MCF2L: variants seen among roughly 807,000 people sequenced by gnomAD.
MCF2L encodes MCF.2 cell line derived transforming sequence like, also known as guanine nucleotide exchange factor DBS.
A neutral mutation model predicts 153.4 loss-of-function variants in MCF2L; 97 were observed. The ratio of observed to expected loss-of-function variants is 0.63; its 90% confidence interval spans 0.54 to 0.75. The LOEUF (loss-of-function observed/expected upper bound fraction) is 0.75, where lower values mean the gene tolerates loss of function less well. Ranked by LOEUF, MCF2L falls within the 30% of genes least tolerant of loss-of-function variation. The probability of loss-of-function intolerance (pLI) is 0.00; values close to 1 mark genes in which losing one functional copy is unlikely to be tolerated. For missense variants in MCF2L, 1,347 were observed against 1,495.2 expected (o/e 0.90, Z 1.64); for synonymous variants, 659 against 632.2 (o/e 1.04, Z -0.64).
chr13:112,989,476 G>A (rs1335075879), intron 1 of MCF2L, among the ~76,000 whole-genome samples: 1 of 18,544 alleles, frequency 5.4e-5, no homozygotes, highest in African/African-American at 1.1e-4. Flanking sequence ...GAGCCACCAC[G>A]CCCGAGTCCT....
At chr13:113,080,164 T>G (rs2033973401) in intron 15 of MCF2L, among the ~76,000 whole-genome samples, 1 of 103,560 alleles carries the variant, frequency 9.7e-6, no homozygotes. Flanking sequence ...CAGAGGAGAG[T>G]CCATACGGAA....
chr13:113,014,020 GCCCCATGCTCCTAGCTGGTGCTGA>G (rs2084346019), intron 1 of MCF2L, among the ~76,000 whole-genome samples: 1 of 151,732 alleles, frequency 6.6e-6, no homozygotes, highest in African/African-American at 2.4e-5. Flanking sequence ...GCTGGTGCTG[GCCCCATGCTCCTAGCTGGTGCTGA>G]CCCCATGCTC....
chr13:112,928,572 CA>C (rs561189579), intron 2 of MCF2L, among the ~76,000 whole-genome samples: 1 of 152,246 alleles, frequency 6.6e-6, no homozygotes, highest in East Asian at 1.9e-4. Flanking sequence ...CCTTCACCCC[CA>C]AAAAAGTCAT....
chr13:112,902,186 CTTT>C, intron 1 of MCF2L: 1 of 1,609,736 alleles, frequency 6.2e-7, no homozygotes, highest in Non-Finnish European at 8.5e-7. Flanking sequence ...CTTTTAAAAT[CTTT>C]TTTCTGCAGC....
At chr13:112,982,638 G>A (rs1023441878) in intron 1 of MCF2L, among the ~76,000 whole-genome samples, 3 of 152,170 alleles carry the variant, frequency 2.0e-5, no homozygotes, top group Admixed American at 6.5e-5. Context: ...GCCTGCTCTC[G>A]CGTGCTGTGG....
rs540930074 is a variant in MCF2L at position 113,028,008 on chromosome 13, G to A, written c.278+3250G>A. On this transcript the variant is annotated intron_variant, in intron 3 of 29. Transcript: ENST00000535094. The surrounding 1 kb of genome is among the most constrained non-coding windows in gnomAD (Gnocchi z 5.4). ...CTGACAGGTACATCCGCCCCCTGAT[G>A]GCACCTCCTGGCATGGGGCTAAATG... Among the ~76,000 whole-genome samples the A allele has an allele frequency of 6.6e-6, 1 of 152,298 alleles. No homozygotes were observed. The highest frequency in any genetic ancestry group is 2.4e-5 in the African/African-American group (1 of 41,560).
chr13:112,914,271 T>C (rs944547020), intron 2 of MCF2L, among the ~76,000 whole-genome samples: 1 of 152,234 alleles, frequency 6.6e-6, no homozygotes, highest in African/African-American at 2.4e-5. Context: ...CCTCCTTTTT[T>C]GTACAAAAGG....
At chr13:112,977,167 T>C (rs935335754) in intron 1 of MCF2L, among the ~76,000 whole-genome samples, 16 of 152,156 alleles carry the variant, frequency 1.1e-4, no homozygotes, top group Admixed American at 4.6e-4. Context: ...GTAAGACTCT[T>C]TTACTGCCAA....
intron 9 of MCF2L, among the ~76,000 whole-genome samples, chr13:113,072,113 T>A (rs2032977431): frequency 6.6e-6 from 1 of 152,228 alleles, no homozygotes; most frequent in African/African-American, 2.4e-5. Flanking sequence ...ATCACAGTAT[T>A]ATATTTTTAA....
intron 1 of MCF2L, among the ~76,000 whole-genome samples, chr13:113,013,173 A>T (rs2084285933): frequency 1.3e-5 from 2 of 151,936 alleles, no homozygotes; most frequent in Admixed American, 1.3e-4. Flanking sequence ...CATTCCAGAG[A>T]GGTGTGCACC....
At chr13:113,051,538 C>G (rs2087327674) in intron 4 of MCF2L, among the ~76,000 whole-genome samples, 1 of 152,210 alleles carries the variant, frequency 6.6e-6, no homozygotes, top group African/African-American at 2.4e-5. Context: ...GGCCCCAAGC[C>G]CTTCTTCACT....
chr13:113,074,592 G>A lies in MCF2L; in HGVS notation c.1116+29G>A. 2 of 1,610,164 alleles carry A rather than the reference G, an allele frequency of 1.2e-6. No individual in the cohort carries two copies. The highest frequency in any genetic ancestry group is 1.3e-5 in the African/African-American group (1 of 74,998). Reference sequence around the variant, plus strand: ...AGGCGGGGTCCCGGCGGGGGCGGCGGGAGAGTGTGGGCAGCATCATCAAGT... The same window carrying A: ...AGGCGGGGTCCCGGCGGGGGCGGCGAGAGAGTGTGGGCAGCATCATCAAGT... On this transcript the variant is annotated intron_variant, in intron 10 of 29. Transcript: ENST00000535094. This position sits in a 1 kb window ranked among gnomAD's most constrained non-coding sequence, Gnocchi z 4.2.
intron 1 of MCF2L, chr13:112,902,174 T>G (rs756257032): frequency 7.5e-6 from 12 of 1,604,192 alleles, no homozygotes; most frequent in Non-Finnish European, 8.5e-6. Context: ...GACCTCATCG[T>G]GCTTTTAAAA....
At chr13:113,071,762 T>C (rs2032943274) in intron 9 of MCF2L, among the ~76,000 whole-genome samples, 1 of 152,272 alleles carries the variant, frequency 6.6e-6, no homozygotes, top group African/African-American at 2.4e-5. Context: ...AAGGTCTTAA[T>C]TGCTGCAACT....
intron 26 of MCF2L, chr13:113,090,173 C>T: frequency 6.6e-7 from 1 of 1,524,930 alleles, no homozygotes; most frequent in Non-Finnish European, 8.8e-7. Flanking sequence ...AAAAGTAGTG[C>T]CTGCCCCAAA....
At chr13:113,021,581 C>T (rs2084887423) in intron 2 of MCF2L, among the ~76,000 whole-genome samples, 1 of 152,194 alleles carries the variant, frequency 6.6e-6, no homozygotes, top group Non-Finnish European at 1.5e-5. Context: ...TCCTCTGCGG[C>T]GTTCAGTCCG....
chr13:113,021,824 GAAGA>G (rs141432418), intron 2 of MCF2L, among the ~76,000 whole-genome samples: 27,567 of 152,136 alleles, frequency 0.18, 2,644 homozygotes, highest in East Asian at 0.29. Flanking sequence ...CCTGACTTGG[GAAGA>G]AAGAACAGGG....
intron 27 of MCF2L, 57 bp from the exon 28 acceptor site, chr13:113,096,314 G>A (rs1304250712): frequency 4.4e-6 from 6 of 1,351,540 alleles, no homozygotes; most frequent in East Asian, 2.5e-5. Flanking sequence ...GGCTGCTGTG[G>A]GGCTGCTGCC....
At chr13:113,082,341 C>A in intron 16 of MCF2L, 86 bp from the exon 17 acceptor site, 1 of 780,142 alleles carries the variant, frequency 1.3e-6, no homozygotes, top group Non-Finnish European at 2.3e-6. Flanking sequence ...TGGCCTGGCC[C>A]ACAGATGAGC....
Sources: allele counts gnomAD v4.1 joint callset (sites outside exome capture counted in the v4.1 genomes callset), GRCh38; gene constraint gnomAD v4.1.1; non-coding constraint Gnocchi (gnomAD v3.1); transcripts MANE v1.5; gene names NCBI Gene and HGNC (gene_info 2026-07-23, HGNC 2026-07-21).